The following WWOX variants were observed in gnomAD, a reference collection of about 807,000 sequenced individuals.
The protein encoded by WWOX is WW domain-containing oxidoreductase.
In WWOX, 69 loss-of-function variants were observed where a neutral mutation model predicts 46.2. The ratio of observed to expected loss-of-function variants is 1.49; its 90% CI spans 1.23 to 1.82. The LOEUF (loss-of-function observed/expected upper bound fraction) is 1.82, where lower values mean the gene tolerates loss of function less well. Ranked by LOEUF, WWOX falls within the 40% of genes most tolerant of loss-of-function variation. The pLI is 0.00. For missense variants in WWOX, 919 were observed against 542.6 expected (o/e 1.69, Z -6.89); for synonymous variants, 359 against 202.6 (o/e 1.77, Z -6.56).
intron 4 of WWOX, among the ~76,000 whole-genome samples, chr16:78,142,940 A>G (rs1193973359): frequency 6.6e-6 from 1 of 152,264 alleles, no homozygotes; most frequent in African/African-American, 2.4e-5. Flanking sequence ...GACTGGAAAC[A>G]GAATCAACAT....
chr16:78,110,559 T>C (rs2032434498), intron 3 of WWOX, among the ~76,000 whole-genome samples: 1 of 152,222 alleles, frequency 6.6e-6, no homozygotes, highest in African/African-American at 2.4e-5. Context: ...AGAGAACCTA[T>C]AATTATAAAT....
intron 8 of WWOX, among the ~76,000 whole-genome samples, chr16:78,736,130 G>A (rs2049086307): frequency 6.6e-6 from 1 of 152,180 alleles, no homozygotes; most frequent in Admixed American, 6.5e-5. Context: ...AACAACATAG[G>A]AAAGGAGACA....
intron 8 of WWOX, among the ~76,000 whole-genome samples, chr16:78,614,964 T>C (rs946668010): frequency 6.6e-6 from 1 of 152,198 alleles, no homozygotes; most frequent in Non-Finnish European, 1.5e-5. Context: ...AGTTGATACA[T>C]GTTTAATCAC....
At chr16:79,084,750 A>G (rs34678353) in intron 8 of WWOX, among the ~76,000 whole-genome samples, 3,530 of 152,072 alleles carry the variant, frequency 0.023, 61 homozygotes, top group Middle Eastern at 0.058. Flanking sequence ...TTTAATCCTC[A>G]CAGTGACTCC....
intron 8 of WWOX, among the ~76,000 whole-genome samples, chr16:78,702,007 T>TTATATATATATATATATATATATATA (rs869227421): frequency 1.4e-4 from 8 of 57,624 alleles, no homozygotes; most frequent in South Asian, 7.5e-4. Context: ...CTACATAAAA[T>TTATATATATATATATATATATATATA]TATATATATA....
chr16:78,971,633 A>G (rs937293437), intron 8 of WWOX, among the ~76,000 whole-genome samples: 21 of 151,938 alleles, frequency 1.4e-4, no homozygotes, highest in African/African-American at 5.1e-4. Context: ...GACCAAATCT[A>G]TTGTTACAAT....
chr16:79,059,633 T>A (rs1169162947), intron 8 of WWOX, among the ~76,000 whole-genome samples: 1 of 152,204 alleles, frequency 6.6e-6, no homozygotes, highest in Non-Finnish European at 1.5e-5. Context: ...TAGCTGGGAT[T>A]ATAGGCGCAT....
At chr16:78,727,219 T>A (rs894006266) in intron 8 of WWOX, among the ~76,000 whole-genome samples, 1 of 152,138 alleles carries the variant, frequency 6.6e-6, no homozygotes, top group Non-Finnish European at 1.5e-5. Flanking sequence ...GCCAACATGG[T>A]GAAACCCTGT....
At chr16:79,112,640 T>A (rs1346783144) in intron 8 of WWOX, among the ~76,000 whole-genome samples, 1 of 152,228 alleles carries the variant, frequency 6.6e-6, no homozygotes, top group African/African-American at 2.4e-5. Flanking sequence ...CATAAAAGAT[T>A]AAGAAAGCAC....
At chr16:79,190,970 T>C (rs985819185) in intron 8 of WWOX, among the ~76,000 whole-genome samples, 1 of 152,238 alleles carries the variant, frequency 6.6e-6, no homozygotes, top group African/African-American at 2.4e-5. Flanking sequence ...CACATTCAAA[T>C]AAAATCATGT....
intron 8 of WWOX, among the ~76,000 whole-genome samples, chr16:78,571,572 A>G (rs1450610656): frequency 2.6e-5 from 4 of 152,218 alleles, no homozygotes. Context: ...CTCATCAGTT[A>G]GAGGCGTTGC....
intron 8 of WWOX, among the ~76,000 whole-genome samples, chr16:78,867,208 G>C (rs553742623): frequency 3.2e-4 from 48 of 152,322 alleles, no homozygotes; most frequent in African/African-American, 1.1e-3. Context: ...GCACACTGGT[G>C]AGTGGGGGAG....
chr16:78,281,085 C>A (rs1410148634), intron 5 of WWOX: 1 of 152,110 alleles, frequency 6.6e-6, no homozygotes, highest in African/African-American at 2.4e-5. Context: ...AGTCGATATG[C>A]TAGAGTGATG....
At chr16:78,639,427 T>C (rs1214951311) in intron 8 of WWOX, among the ~76,000 whole-genome samples, 3 of 152,148 alleles carry the variant, frequency 2.0e-5, no homozygotes, top group Admixed American at 6.5e-5. Flanking sequence ...GAAATGGAAG[T>C]GCACAGAAGG....
intron 8 of WWOX, among the ~76,000 whole-genome samples, chr16:78,613,929 A>G (rs2045958519): frequency 6.6e-6 from 1 of 152,222 alleles, no homozygotes; most frequent in Admixed American, 6.5e-5. Flanking sequence ...TTTTATTGCT[A>G]TACAGCTGTA....
intron 5 of WWOX, among the ~76,000 whole-genome samples, chr16:78,265,441 G>A (rs975960534): frequency 1.3e-5 from 2 of 152,130 alleles, no homozygotes; most frequent in African/African-American, 4.8e-5. Flanking sequence ...AGCACTTTGG[G>A]AGGCTGAGGC....
At chr16:78,301,836 TC>T (rs2080047242) in intron 5 of WWOX, among the ~76,000 whole-genome samples, 1 of 152,148 alleles carries the variant, frequency 6.6e-6, no homozygotes, top group Admixed American at 6.5e-5. Context: ...ACTGAGCCTT[TC>T]TTCCACCTTC....
intron 8 of WWOX, among the ~76,000 whole-genome samples, chr16:78,835,446 GC>G (rs2051952378): frequency 6.6e-6 from 1 of 152,142 alleles, no homozygotes; most frequent in Non-Finnish European, 1.5e-5. Flanking sequence ...TGTTACAAGC[GC>G]CCATGAGCAT....
chr16:79,173,066 G>T (rs891039334), intron 8 of WWOX, among the ~76,000 whole-genome samples: 4 of 152,130 alleles, frequency 2.6e-5, no homozygotes, highest in Admixed American at 1.3e-4. Context: ...CATTGCATTG[G>T]AAAGACCTCC....
Sources: allele counts gnomAD v4.1 joint callset (sites outside exome capture counted in the v4.1 genomes callset), GRCh38; gene constraint gnomAD v4.1.1; transcripts MANE v1.5; gene names NCBI Gene and HGNC (gene_info 2026-07-23, HGNC 2026-07-21).